The following HS3ST4 variants were observed in gnomAD, a reference collection of about 807,000 sequenced individuals.
HS3ST4 encodes the protein heparan sulfate-glucosamine 3-sulfotransferase 4.
In HS3ST4, 17 loss-of-function variants were observed where a neutral mutation model predicts 29.2. The observed-to-expected ratio is 0.58, with a 90% CI of 0.40 to 0.87. HS3ST4 has a LOEUF of 0.87. Ranked by LOEUF, HS3ST4 falls within the 40% of genes least tolerant of loss-of-function variation. The pLI, the probability that HS3ST4 is intolerant of heterozygous loss-of-function variation, is 0.00. For synonymous variants in HS3ST4, 314 were observed against 285.7 expected, an observed-to-expected ratio of 1.10 and a Z score of -1.00; for missense variants, 627 against 634.5, an observed-to-expected ratio of 0.99 and a Z score of 0.13.
chr16:26,021,988 G>A (rs1237562891), intron 1 of HS3ST4, among the ~76,000 whole-genome samples: 1 of 151,660 alleles, frequency 6.6e-6, no homozygotes, highest in Non-Finnish European at 1.5e-5. Flanking sequence ...TGGGGGACAG[G>A]GTCTTGCTAC....
At chr16:26,125,210 T>C (rs1899325837) in intron 1 of HS3ST4, among the ~76,000 whole-genome samples, 1 of 152,226 alleles carries the variant, frequency 6.6e-6, no homozygotes, top group African/African-American at 2.4e-5. Context: ...CAGTATTATT[T>C]TTGCTTTAGC....
chr16:25,874,551 C>T (rs1375485311), intron 1 of HS3ST4, among the ~76,000 whole-genome samples: 1 of 152,148 alleles, frequency 6.6e-6, no homozygotes, highest in Non-Finnish European at 1.5e-5. Flanking sequence ...TCCCACCCAT[C>T]CATCAATTTT....
At chr16:25,942,855 C>T (rs1968585869) in intron 1 of HS3ST4, among the ~76,000 whole-genome samples, 1 of 152,124 alleles carries the variant, frequency 6.6e-6, no homozygotes, top group Non-Finnish European at 1.5e-5. Flanking sequence ...CTCTTGGCCT[C>T]AAGCAATCCT....
At chr16:25,811,320 A>G (rs909327155) in intron 1 of HS3ST4, among the ~76,000 whole-genome samples, 10 of 152,062 alleles carry the variant, frequency 6.6e-5, no homozygotes, top group African/African-American at 2.2e-4. Context: ...ACTCAACATG[A>G]AGAAGAGGAA....
chr16:25,953,374 C>T (rs1278018503), intron 1 of HS3ST4, among the ~76,000 whole-genome samples: 1 of 152,188 alleles, frequency 6.6e-6, no homozygotes, highest in Non-Finnish European at 1.5e-5. Context: ...CTTATTATAG[C>T]CATTATCCAC....
rs549815502 is a variant in HS3ST4, at chr16:25,972,577, C to T, written c.735-163035C>T. On this transcript the variant is annotated intron_variant, in intron 1 of 1. Transcript: ENST00000331351. The stretch of plus-strand genomic sequence containing the variant: ...ACATGAATATCTGCATAGGGCAGCT[C>T]CCAACATGTCAGCTTGATTCATCAG... 2.6e-5 allele frequency among the ~76,000 whole-genome samples: 4 copies of T among 152,280 alleles called. No individual in the cohort carries two copies. The South Asian group carries it at 8.3e-4, about 32-fold the overall frequency.
At chr16:25,726,720 C>T (rs1326478198) in intron 1 of HS3ST4, among the ~76,000 whole-genome samples, 2 of 152,250 alleles carry the variant, frequency 1.3e-5, no homozygotes, top group East Asian at 3.9e-4. Context: ...TGGCATCAGT[C>T]AATAGCGAGG....
At chr16:25,774,225 A>G (rs1966845475) in intron 1 of HS3ST4, among the ~76,000 whole-genome samples, 1 of 152,228 alleles carries the variant, frequency 6.6e-6, no homozygotes, top group African/African-American at 2.4e-5. Context: ...AATCAGGGTA[A>G]ACAGCCACAG....
chr16:25,835,524 G>A (rs1248079539), intron 1 of HS3ST4, among the ~76,000 whole-genome samples: 1 of 151,930 alleles, frequency 6.6e-6, no homozygotes. Flanking sequence ...AACGTTGATT[G>A]AGCATTGTAC....
chr16:25,826,320 C>G (rs2141636253), intron 1 of HS3ST4: 1 of 152,270 alleles, frequency 6.6e-6, no homozygotes, highest in South Asian at 2.1e-4. Context: ...AACTTGCACC[C>G]ATATTTGGAG....
intron 1 of HS3ST4, among the ~76,000 whole-genome samples, chr16:25,993,882 G>A (rs961353452): frequency 1.3e-5 from 2 of 151,588 alleles, no homozygotes; most frequent in Admixed American, 6.6e-5. Flanking sequence ...GGCAGATTCA[G>A]TTCTTGGTGA....
chr16:25,714,345 G>A (rs1966437649), intron 1 of HS3ST4, among the ~76,000 whole-genome samples: 1 of 152,194 alleles, frequency 6.6e-6, no homozygotes, highest in African/African-American at 2.4e-5. Flanking sequence ...TAATACAGTA[G>A]ATTAAGATGT....
chr16:25,998,097 A>G (rs973557405), intron 1 of HS3ST4, among the ~76,000 whole-genome samples: 1 of 152,036 alleles, frequency 6.6e-6, no homozygotes, highest in African/African-American at 2.4e-5. Context: ...ACAAACAAAC[A>G]AAAACACCTT....
chr16:26,017,763 G>A (rs1969374740), intron 1 of HS3ST4, among the ~76,000 whole-genome samples: 1 of 152,180 alleles, frequency 6.6e-6, no homozygotes, highest in Admixed American at 6.5e-5. Flanking sequence ...GTCCCCTGAT[G>A]AATAGGGATA....
At chr16:25,999,736 T>G (rs1969188681) in intron 1 of HS3ST4, among the ~76,000 whole-genome samples, 1 of 142,782 alleles carries the variant, frequency 7.0e-6, no homozygotes, top group African/African-American at 2.6e-5. Flanking sequence ...TAAAGTACAA[T>G]TTAAATAATT....
In HS3ST4 at chr16:26,099,268, C is replaced by A. The variant is rs575062891; in HGVS notation, c.735-36344C>A. Among the ~76,000 whole-genome samples the A allele has an allele frequency of 1.5e-3, 221 of 152,332 alleles. 1 individual carries two copies. Among genetic ancestry groups the A allele is most frequent in the Non-Finnish European group, 2.3e-3 (156 of 68,026 alleles). ...GTCCTGGGCTCAAGTGATCCTCCTG[C>A]TTCAGCCCCCTGAATGGCTGAGACT... On this transcript the variant is annotated intron_variant, in intron 1 of 1. Transcript: ENST00000331351.
chr16:26,000,053 A>G (rs890059238), intron 1 of HS3ST4, among the ~76,000 whole-genome samples: 1 of 151,596 alleles, frequency 6.6e-6, no homozygotes, highest in African/African-American at 2.4e-5. Context: ...ATTATTGCCC[A>G]ATCTGTTATC....
rs1021421944 is a variant in HS3ST4 at position 26,032,865 on chromosome 16, C to T, written c.735-102747C>T. 3.3e-5 allele frequency: 51 copies of T among 1,543,908 alleles called. No homozygotes were observed. The African/African-American group carries it at 3.5e-4, about 11-fold the overall frequency. ...AGGTGCTGGACGCGGGATGCAGTGG[C>T]GCGCGGGCTTTGGTCGGTCTGGGGG... is the stretch of plus-strand genomic sequence containing the variant. On this transcript the variant is annotated intron_variant, in intron 1 of 1. Transcript: ENST00000331351.
intron 1 of HS3ST4, among the ~76,000 whole-genome samples, chr16:25,995,670 G>A (rs1969153357): frequency 6.6e-6 from 1 of 152,286 alleles, no homozygotes; most frequent in African/African-American, 2.4e-5. Context: ...GATGAAATCT[G>A]AGTGTGGAAG....
Sources: gnomAD v4.1 joint callset for allele counts (sites outside exome capture counted in the v4.1 genomes callset) on GRCh38, gnomAD v4.1.1 for gene constraint, MANE v1.5 for transcripts, NCBI Gene and HGNC (gene_info 2026-07-23, HGNC 2026-07-21) for gene names.